C6: variants seen among roughly 807,000 people sequenced by gnomAD.
The protein encoded by C6 is complement C6.
A neutral mutation model predicts 112.9 loss-of-function variants in C6; 101 were observed. That is an observed-to-expected ratio of 0.89 (90% CI 0.76 to 1.06). The LOEUF is 1.06. Among genes scored for constraint, C6 ranks in the 50% least tolerant of loss-of-function variants. C6 has a pLI of 0.00. For missense variants in C6, 1,202 were observed against 1,104.6 expected, an observed-to-expected ratio of 1.09 and a Z score of -1.25; for synonymous variants, 431 against 384.1, an observed-to-expected ratio of 1.12 and a Z score of -1.43.
intron 17 of C6, among the ~76,000 whole-genome samples, chr5:41,148,276 T>C (rs1350501137): frequency 6.6e-6 from 1 of 152,198 alleles, no homozygotes; most frequent in Admixed American, 6.5e-5. Context: ...TTGAGAATTA[T>C]GTGGCCGAAT....
chr5:41,248,040 T>G (rs947861641), intron 1 of C6, among the ~76,000 whole-genome samples: 2 of 152,248 alleles, frequency 1.3e-5, no homozygotes, highest in Middle Eastern at 3.4e-3. Context: ...CCATTTAATC[T>G]TCAACAATGT....
chr5:41,236,365 T>C (rs184367406), intron 1 of C6, among the ~76,000 whole-genome samples: 4,098 of 151,026 alleles, frequency 0.027, 210 homozygotes, highest in African/African-American at 0.095. Context: ...TTTTCTCAGG[T>C]TTGTCAAAGA....
At chr5:41,178,466 C>CTTTTTTTTTTTTTTTTTT (rs70988836) in intron 7 of C6, among the ~76,000 whole-genome samples, 119 of 101,570 alleles carry the variant, frequency 1.2e-3, no homozygotes, top group African/African-American at 1.2e-3. Context: ...TTTTCTTTTT[C>CTTTTTTTTTTTTTTTTTT]TTTTTTTTTT....
chr5:41,149,488 C>T lies in C6; in HGVS notation c.2382-6G>A, dbSNP rs1470119692. 3 of 1,613,728 alleles carry T rather than the reference C, an allele frequency of 1.9e-6. No homozygotes were observed. Among genetic ancestry groups the T allele is most frequent in the East Asian group, 4.5e-5 (2 of 44,858 alleles). On this transcript the variant is annotated splice_polypyrimidine_tract_variant and splice_region_variant and intron_variant, in intron 16 of 17. Transcript: ENST00000337836. The stretch of plus-strand genomic sequence containing the variant: ...AGAGATCTTCTGAATGATGGCTGCC[C>T]AAGAGAGGAAAGCAAGCATTTCTAT...
chr5:41,153,442 A>G (rs552464430), intron 15 of C6, among the ~76,000 whole-genome samples: 1 of 152,260 alleles, frequency 6.6e-6, no homozygotes, highest in African/African-American at 2.4e-5. Flanking sequence ...TGACACTTAC[A>G]TTCCTTGTAA....
intron 1 of C6, among the ~76,000 whole-genome samples, chr5:41,218,991 A>T (rs942299660): frequency 2.6e-5 from 4 of 152,218 alleles, no homozygotes; most frequent in African/African-American, 9.6e-5. Context: ...CAAGGAAGTT[A>T]TCCTAACTAG....
rs560656349 is a variant in C6, at chr5:41,257,848, A to C, written c.-21+3346T>G. Among the ~76,000 whole-genome samples, 56 of 152,204 alleles carry C rather than the reference A, an allele frequency of 3.7e-4. 1 individual carries two copies. The highest frequency in any genetic ancestry group is 1.3e-3 in the African/African-American group (54 of 41,546). ...TTTTTATTTTTTTGGCTAATTATCA[A>C]ATTTTCTTGCTTTTCTGGATTGTTC... is the stretch of plus-strand genomic sequence containing the variant. On this transcript the variant is annotated intron_variant, in intron 1 of 17. Coordinates refer to the C6 transcript ENST00000263413.
At chr5:41,181,295 A>G (rs1010498741) in intron 7 of C6, 64 bp downstream of exon 7, 4 of 1,411,540 alleles carry the variant, frequency 2.8e-6, no homozygotes, top group Non-Finnish European at 4.0e-6. Flanking sequence ...TTCTTATTGC[A>G]TGATTACTGG....
intron 3 of C6, among the ~76,000 whole-genome samples, chr5:41,201,055 A>G (rs10069139): frequency 0.11 from 16,474 of 151,822 alleles, 880 homozygotes; most frequent in African/African-American, 0.14. Context: ...TCTCATGAAC[A>G]AAATTATTTA....
chr5:41,159,088 T>C lies in C6; in HGVS notation c.1850A>G (p.Glu617Gly), dbSNP rs1418907971. ...QEEDCTFSIM[E>G]NNGQPCINDD... ...TTCCCTTACCCGGCCTTACTTGTTT[T>C]CCATGATTGAAAATGTGCAGTCTTC... Residue 617 changes from glutamate (E) to glycine (G), a missense_variant, in exon 12 of 18, where the codon GAA (glutamate) becomes GGA (glycine). By Grantham distance (98) the Glu-to-Gly change is moderately conservative. Transcript: ENST00000337836. The C allele has an allele frequency of 6.8e-6, 11 of 1,613,594 alleles. No homozygotes were observed. Among genetic ancestry groups the C allele is most frequent in the Non-Finnish European group, 9.3e-6 (11 of 1,179,724 alleles).
intron 1 of C6, among the ~76,000 whole-genome samples, chr5:41,249,589 T>C (rs1285073388): frequency 3.3e-5 from 5 of 152,184 alleles, no homozygotes; most frequent in African/African-American, 4.8e-5. Flanking sequence ...GAGAAATTAA[T>C]GTTAGGGATT....
chr5:41,165,644 C>T (rs1483496557), intron 9 of C6, among the ~76,000 whole-genome samples: 1 of 152,106 alleles, frequency 6.6e-6, no homozygotes, highest in Non-Finnish European at 1.5e-5. Flanking sequence ...CTACATGTCA[C>T]TTGTGCAACT....
chr5:41,215,246 C>A (rs1202008164), upstream of C6, among the ~76,000 whole-genome samples: 1 of 152,140 alleles, frequency 6.6e-6, no homozygotes. Context: ...GCTCTCCAGC[C>A]TGAAAAGCCT....
exon 1 of C6, chr5:41,261,269 A>G (rs542032643): frequency 1.9e-4 from 172 of 899,698 alleles, no homozygotes; most frequent in African/African-American, 1.2e-3. Flanking sequence ...AACTGGTTTC[A>G]TATTTCTTAT....
At chr5:41,213,085 G>T (rs927895598) in intron 1 of C6, 1 of 152,110 alleles carries the variant, frequency 6.6e-6, no homozygotes, top group Admixed American at 6.6e-5. Context: ...AGGTAAGCTG[G>T]GTAGTCCAGG....
chr5:41,191,602 T>C (rs962533260), intron 5 of C6, among the ~76,000 whole-genome samples: 1 of 152,196 alleles, frequency 6.6e-6, no homozygotes, highest in Non-Finnish European at 1.5e-5. Flanking sequence ...CAGTGTTTTA[T>C]AGTTTTCCTT....
At chr5:41,258,513 C>T (rs745381564) in intron 1 of C6, among the ~76,000 whole-genome samples, 1 of 152,144 alleles carries the variant, frequency 6.6e-6, no homozygotes, top group Non-Finnish European at 1.5e-5. Context: ...AATGTCAGAT[C>T]TTGGAACCCA....
intron 3 of C6, among the ~76,000 whole-genome samples, chr5:41,200,251 C>T (rs10941534): frequency 0.6 from 90,870 of 151,434 alleles, 27,273 homozygotes; most frequent in Non-Finnish European, 0.64. Flanking sequence ...CAGGCCATAA[C>T]AGTAGCCTTT....
chr5:41,161,733 A>T lies in C6; in HGVS notation c.1418T>A (p.Leu473Ter). 6.2e-7 allele frequency: 1 copy of T among 1,613,638 alleles called. No individual in the cohort carries two copies. Among genetic ancestry groups the T allele is most frequent in the Non-Finnish European group, 8.5e-7 (1 of 1,179,652 alleles). Residue 473 changes from leucine (L) to a stop codon, truncating the protein, a stop_gained, in exon 10 of 18, where the codon TTA becomes TAA. Transcript: ENST00000337836. LOFTEE classifies it high-confidence loss of function. The stretch of plus-strand genomic sequence containing the variant: ...AGCAGGATTTTCCTTCACTGATTCT[A>T]ACCACTCAGAAAATGTCTTCTCCTC... ...GLEEKTFSEW[L>*]ESVKENPAVI...
Sources: allele counts gnomAD v4.1 joint callset (sites outside exome capture counted in the v4.1 genomes callset), GRCh38; gene constraint gnomAD v4.1.1; transcripts MANE v1.5; gene names NCBI Gene and HGNC (gene_info 2026-07-23, HGNC 2026-07-21).